Variants in TBC1D1 observed in about 807,000 individuals in gnomAD.
TBC1D1 encodes the protein TBC1 (tre-2/USP6, BUB2, cdc16) domain family, member 1.
A neutral mutation model predicts 125.6 loss-of-function variants in TBC1D1; 89 were observed. The observed-to-expected ratio is 0.71, with a 90% CI of 0.60 to 0.85. TBC1D1 has a LOEUF of 0.85. Among genes scored for constraint, TBC1D1 ranks in the 40% least tolerant of loss-of-function variants. The probability of loss-of-function intolerance (pLI) is 0.00; values close to 1 mark genes in which losing one functional copy is unlikely to be tolerated. For missense variants in TBC1D1, 1,377 were observed against 1,469.2 expected, an observed-to-expected ratio of 0.94 and a Z score of 1.03; for synonymous variants, 565 against 564.1, an observed-to-expected ratio of 1.00 and a Z score of -0.02.
At chr4:38,016,661 C>T (rs898456968) in intron 3 of TBC1D1, among the ~76,000 whole-genome samples, 13 of 152,174 alleles carry the variant, frequency 8.5e-5, no homozygotes, top group African/African-American at 2.4e-4. Flanking sequence ...TCACTGCTGT[C>T]GTTGGTAGTG....
chr4:37,933,935 C>T (rs1009768403), intron 2 of TBC1D1, among the ~76,000 whole-genome samples: 1 of 152,298 alleles, frequency 6.6e-6, no homozygotes, highest in South Asian at 2.1e-4. Context: ...AAAGGAGAGA[C>T]ACATCTCAGG....
chr4:38,090,064 T>C lies in TBC1D1; in HGVS notation c.2183T>C (p.Ile728Thr), dbSNP rs1758176217. ...CTCCGAGAGCTGTGGCAAAAGGCTA[T>C]TCTTCAACAGATACTGCTGCTTAGA... Residue 728 changes from isoleucine to threonine, a missense_variant, in exon 13 of 20, where the codon ATT (isoleucine) becomes ACT (threonine). Around this residue, in one of 3 missense-constraint regions of TBC1D1, gnomAD observed 543 missense variants for 613.5 expected, o/e 0.89. Transcript: ENST00000261439. The C allele has an allele frequency of 1.2e-6, 2 of 1,613,956 alleles. No individual in the cohort carries two copies. Among genetic ancestry groups the C allele is most frequent in the African/African-American group, 2.7e-5 (2 of 74,918 alleles).
At chr4:37,989,643 A>G (rs1560577908) in intron 2 of TBC1D1, among the ~76,000 whole-genome samples, 2 of 152,238 alleles carry the variant, frequency 1.3e-5, no homozygotes, top group African/African-American at 4.8e-5. Context: ...AATTAAACAT[A>G]AACCCTGTTC....
chr4:37,959,919 G>A (rs895114803), intron 2 of TBC1D1, among the ~76,000 whole-genome samples: 1 of 152,218 alleles, frequency 6.6e-6, no homozygotes, highest in Non-Finnish European at 1.5e-5. Flanking sequence ...TGGCAAAAGG[G>A]ATAACTCGGG....
At chr4:37,925,487 GT>G in intron 2 of TBC1D1, among the ~76,000 whole-genome samples, 1 of 152,218 alleles carries the variant, frequency 6.6e-6, no homozygotes, top group African/African-American at 2.4e-5. Context: ...GGAGGTCGAG[GT>G]GGGGGGATCA....
chr4:37,942,552 T>C (rs1178571585), intron 2 of TBC1D1, among the ~76,000 whole-genome samples: 1 of 152,086 alleles, frequency 6.6e-6, no homozygotes, highest in Non-Finnish European at 1.5e-5. Flanking sequence ...TTTTGTTTTT[T>C]TTTTAGGACG....
At chr4:38,043,554 G>T (rs1748816464) in intron 8 of TBC1D1, among the ~76,000 whole-genome samples, 1 of 149,686 alleles carries the variant, frequency 6.7e-6, no homozygotes, top group Non-Finnish European at 1.5e-5. Context: ...CTGTACTCCA[G>T]CCTGGGCAAC....
At position 38,020,598 on chromosome 4, in the gene TBC1D1, GAC is replaced by G; in HGVS notation, c.983_984del (p.His328ArgfsTer29). 1 of 1,612,718 alleles carries G rather than the reference GAC, an allele frequency of 6.2e-7. No homozygotes were observed. The highest frequency in any genetic ancestry group is 8.5e-7 in the Non-Finnish European group (1 of 1,179,102). The stretch of plus-strand genomic sequence containing the variant: ...GTTCTCTCCCTTTGGCAGGGCATCA[GAC>G]ACGTGGACCACTTTGGGTTTATCTG... On this transcript the variant is annotated frameshift_variant, in exon 5 of 20. Coordinates refer to ENST00000261439, the MANE Select transcript of TBC1D1 (RefSeq NM_015173.4). LOFTEE classifies it high-confidence loss of function.
intron 3 of TBC1D1, 137 bp from the exon 4 acceptor site, chr4:38,018,217 T>G: frequency 1.5e-6 from 1 of 672,846 alleles, no homozygotes; most frequent in Non-Finnish European, 2.5e-6. Flanking sequence ...ATCCAGAGGA[T>G]AAGAGGGGAC....
chr4:37,925,697 A>G (rs1721954904), intron 2 of TBC1D1, among the ~76,000 whole-genome samples: 1 of 147,432 alleles, frequency 6.8e-6, no homozygotes, highest in African/African-American at 2.5e-5. Flanking sequence ...AAAAAAAAAA[A>G]GAGAGAAAAA....
At chr4:38,013,870 A>G (rs1394592535) in intron 2 of TBC1D1, among the ~76,000 whole-genome samples, 1 of 152,224 alleles carries the variant, frequency 6.6e-6, no homozygotes, top group Non-Finnish European at 1.5e-5. Context: ...GTCCTTGATT[A>G]AAACCTCCTA....
intron 18 of TBC1D1, among the ~76,000 whole-genome samples, chr4:38,128,337 C>T (rs1765007240): frequency 6.6e-6 from 1 of 152,174 alleles, no homozygotes; most frequent in Non-Finnish European, 1.5e-5. Context: ...CTACTGCCCC[C>T]TCCCATCCAG....
intron 2 of TBC1D1, among the ~76,000 whole-genome samples, chr4:37,940,334 C>T (rs946025692): frequency 3.9e-5 from 6 of 152,076 alleles, no homozygotes; most frequent in South Asian, 2.1e-4. Context: ...TGTCTTTTAT[C>T]GGTGTATAAG....
intron 2 of TBC1D1, chr4:37,952,133 A>G (rs754124066): frequency 1.4e-6 from 1 of 714,778 alleles, no homozygotes; most frequent in African/African-American, 1.7e-5. Flanking sequence ...GCCTGCAGTC[A>G]TGATGAACCC....
Position 38,137,312 on chromosome 4 carries a change from C to T in TBC1D1, c.3484C>T (p.Gln1162Ter), listed in dbSNP as rs752444950. Residue 1162 changes from glutamine (Q) to a stop codon, truncating the protein, a stop_gained, in exon 20 of 20, where the codon CAG (glutamine) becomes TAG (stop). Coordinates refer to ENST00000261439, the MANE Select transcript of TBC1D1 (RefSeq NM_015173.4). LOFTEE classifies it high-confidence loss of function. Reference sequence around the variant, plus strand: ...CAGCGACCGGGAGCCTGAGTGCACGCAGCCCGAGCCCACGGGCGACTGACA... The same window carrying T: ...CAGCGACCGGGAGCCTGAGTGCACGTAGCCCGAGCCCACGGGCGACTGACA... 7.4e-6 allele frequency: 12 copies of T among 1,610,924 alleles called. No individual in the cohort carries two copies. The East Asian group carries it at 2.5e-4, about 33-fold the overall frequency.
intron 2 of TBC1D1, among the ~76,000 whole-genome samples, chr4:37,969,046 A>T (rs1287140190): frequency 6.6e-6 from 1 of 152,116 alleles, no homozygotes; most frequent in East Asian, 1.9e-4. Flanking sequence ...AAAAAGGGAG[A>T]GGAAAATATC....
intron 2 of TBC1D1, among the ~76,000 whole-genome samples, chr4:38,007,613 A>G (rs1410893134): frequency 2.0e-5 from 3 of 152,174 alleles, no homozygotes; most frequent in African/African-American, 7.2e-5. Flanking sequence ...GCATTTCTCT[A>G]TCCTCAACCT....
chr4:38,109,459 C>T (rs768104584), intron 15 of TBC1D1, among the ~76,000 whole-genome samples: 24 of 152,250 alleles, frequency 1.6e-4, no homozygotes, highest in South Asian at 6.2e-4. Flanking sequence ...TCAAGTCAGT[C>T]GGTGGTGCTG....
chr4:37,894,150 G>A (rs768939230), intron 1 of TBC1D1, among the ~76,000 whole-genome samples: 4 of 151,922 alleles, frequency 2.6e-5, no homozygotes, highest in South Asian at 2.1e-4. Context: ...TACCACGGCC[G>A]GCTAAATTTT....
Sources: gnomAD v4.1 joint callset for allele counts (sites outside exome capture counted in the v4.1 genomes callset) on GRCh38, gnomAD v4.1.1 for gene constraint, gnomAD v4.1.1 regional missense constraint, MANE v1.5 for transcripts, NCBI Gene and HGNC (gene_info 2026-07-23, HGNC 2026-07-21) for gene names.